CWC27: variants seen among roughly 807,000 people sequenced by gnomAD.
CWC27 encodes the protein spliceosome-associated protein CWC27 homolog.
A neutral mutation model predicts 63.6 loss-of-function variants in CWC27; 47 were observed. The ratio of observed to expected loss-of-function variants is 0.74; its 90% CI spans 0.58 to 0.94. The LOEUF (loss-of-function observed/expected upper bound fraction) is 0.94, where lower values mean the gene tolerates loss of function less well. Among genes scored for constraint, CWC27 ranks in the 40% least tolerant of loss-of-function variants. The probability of loss-of-function intolerance (pLI) is 0.00; values close to 1 mark genes in which losing one functional copy is unlikely to be tolerated. For missense variants in CWC27, 495 were observed against 554.3 expected (o/e 0.89, Z 1.07); for synonymous variants, 175 against 179.8 (o/e 0.97, Z 0.22).
At chr5:64,992,202 C>T (rs1166016812) in intron 13 of CWC27, among the ~76,000 whole-genome samples, 2 of 152,156 alleles carry the variant, frequency 1.3e-5, no homozygotes, top group African/African-American at 4.8e-5. Flanking sequence ...GACTAGCTGT[C>T]GCAGATTTGT....
chr5:64,985,726 T>C (rs1749412755), intron 13 of CWC27, among the ~76,000 whole-genome samples: 1 of 152,206 alleles, frequency 6.6e-6, no homozygotes. Context: ...GTATGACATG[T>C]ATTTATTCAT....
intron 11 of CWC27, among the ~76,000 whole-genome samples, chr5:64,923,201 A>G (rs6449765): frequency 0.097 from 14,816 of 152,144 alleles, 2,237 homozygotes; most frequent in African/African-American, 0.32. Flanking sequence ...GGGGGACTCC[A>G]GTAAAAGCAC....
chr5:64,907,131 G>T (rs908794417), intron 11 of CWC27, among the ~76,000 whole-genome samples: 3 of 152,178 alleles, frequency 2.0e-5, no homozygotes, highest in Admixed American at 6.5e-5. Context: ...TTTGGCTTAG[G>T]ATTGACTTGG....
intron 11 of CWC27, among the ~76,000 whole-genome samples, chr5:64,893,716 A>C (rs1039936736): frequency 5.3e-5 from 8 of 152,222 alleles, no homozygotes; most frequent in African/African-American, 1.9e-4. Context: ...TTGATATACA[A>C]AAATATTTTA....
In CWC27 at chr5:64,820,417, T is replaced by C. The variant is rs1745165489; in HGVS notation, c.938+16031T>C. Among the ~76,000 whole-genome samples, 5 of 152,178 alleles carry C rather than the reference T, an allele frequency of 3.3e-5. No homozygotes were observed. In the South Asian group the frequency reaches 1.0e-3, roughly 32 times the overall value. Reference sequence around the variant, plus strand: ...CTTTTTGTTGTTGTTGTTGTTGTTATATTTTCATTCTAATTCTTAGAACAA... The same window carrying C: ...CTTTTTGTTGTTGTTGTTGTTGTTACATTTTCATTCTAATTCTTAGAACAA... On this transcript the variant is annotated intron_variant, in intron 10 of 13. Coordinates refer to ENST00000381070, the MANE Select transcript of CWC27 (RefSeq NM_005869.4).
chr5:64,814,026 A>G (rs1744959344), intron 10 of CWC27, among the ~76,000 whole-genome samples: 1 of 151,284 alleles, frequency 6.6e-6, no homozygotes, highest in Admixed American at 6.6e-5. Context: ...AATGCAGCCC[A>G]TCCTGGGCTT....
At chr5:64,824,025 T>C (rs1745289462) in intron 10 of CWC27, among the ~76,000 whole-genome samples, 1 of 152,212 alleles carries the variant, frequency 6.6e-6, no homozygotes, top group South Asian at 2.1e-4. Flanking sequence ...AATGTGATTA[T>C]AGATATGTTC....
At chr5:64,773,369 A>G (rs1412939849) in intron 1 of CWC27, among the ~76,000 whole-genome samples, 1 of 152,202 alleles carries the variant, frequency 6.6e-6, no homozygotes, top group African/African-American at 2.4e-5. Flanking sequence ...AAGGCCACAT[A>G]TTGTATGATT....
Position 64,778,306 on chromosome 5 carries a change from T to C in CWC27, c.139+3519T>C, listed in dbSNP as rs1743532022. ...CATGCACTTGCGCTGTCTCTTGCTT[T>C]CTTTCTCTCTCTCTCTCTCACTCCC... is the stretch of plus-strand genomic sequence containing the variant. On this transcript the variant is annotated intron_variant, in intron 2 of 13. Coordinates refer to ENST00000381070, the MANE Select transcript of CWC27 (RefSeq NM_005869.4). Among the ~76,000 whole-genome samples, 2 of 152,074 alleles carry C rather than the reference T, an allele frequency of 1.3e-5. 1 individual carries two copies. The highest frequency in any genetic ancestry group is 4.8e-5 in the African/African-American group (2 of 41,434).
chr5:64,876,803 G>A (rs1356428629), intron 10 of CWC27, among the ~76,000 whole-genome samples: 1 of 151,764 alleles, frequency 6.6e-6, no homozygotes, highest in African/African-American at 2.4e-5. Context: ...AAAGCATCTG[G>A]GAAAAAATAA....
chr5:64,816,960 G>A (rs1206088628), intron 10 of CWC27, among the ~76,000 whole-genome samples: 2 of 152,076 alleles, frequency 1.3e-5, no homozygotes, highest in Non-Finnish European at 2.9e-5. Flanking sequence ...CAGAAGCAGT[G>A]AGAGAGAACT....
chr5:64,978,282 TTTGAA>T (rs1172345330), intron 13 of CWC27, among the ~76,000 whole-genome samples: 1 of 152,194 alleles, frequency 6.6e-6, no homozygotes, highest in Non-Finnish European at 1.5e-5. Context: ...GGCATGATGA[TTTGAA>T]TGGAATGAAT....
At chr5:64,985,703 T>C (rs940196920) in intron 13 of CWC27, among the ~76,000 whole-genome samples, 3 of 152,206 alleles carry the variant, frequency 2.0e-5, no homozygotes, top group African/African-American at 7.2e-5. Context: ...TTTTATTTCT[T>C]TCTTTCTACT....
intron 11 of CWC27, among the ~76,000 whole-genome samples, 192 bp downstream of exon 11, chr5:64,885,738 T>TGTGTGTGTGTGTGTGTGTG (rs60595588): frequency 4.2e-5 from 6 of 141,380 alleles, no homozygotes; most frequent in East Asian, 1.9e-4. Context: ...TGTGTGTGTG[T>TGTGTGTGTGTGTGTGTGTG]TTTTAATACT....
intron 10 of CWC27, among the ~76,000 whole-genome samples, chr5:64,854,819 TCTG>T (rs1250185446): frequency 2.0e-5 from 3 of 152,218 alleles, no homozygotes; most frequent in South Asian, 2.1e-4. Flanking sequence ...GCTTTAGTAA[TCTG>T]CTTCTCTCCT....
intron 11 of CWC27, among the ~76,000 whole-genome samples, chr5:64,901,262 C>T (rs904215844): frequency 2.6e-5 from 4 of 151,798 alleles, no homozygotes; most frequent in African/African-American, 4.8e-5. Context: ...GAGATGGAGA[C>T]CATCCTGGCT....
intron 10 of CWC27, among the ~76,000 whole-genome samples, chr5:64,846,103 C>G (rs1410842324): frequency 6.6e-6 from 1 of 152,142 alleles, no homozygotes; most frequent in Non-Finnish European, 1.5e-5. Flanking sequence ...AAAACAAACA[C>G]AAAAACTACC....
chr5:64,783,544 G>A (rs891971258), intron 3 of CWC27, among the ~76,000 whole-genome samples: 1 of 152,220 alleles, frequency 6.6e-6, no homozygotes, highest in Non-Finnish European at 1.5e-5. Flanking sequence ...TTTGGGATGA[G>A]AATAGGGAAA....
At chr5:64,818,684 A>G (rs1745112947) in intron 10 of CWC27, among the ~76,000 whole-genome samples, 1 of 152,148 alleles carries the variant, frequency 6.6e-6, no homozygotes, top group African/African-American at 2.4e-5. Flanking sequence ...AAAAAATGAT[A>G]TATGTAGCTG....
Sources: gnomAD v4.1 joint callset for allele counts (sites outside exome capture counted in the v4.1 genomes callset) on GRCh38, gnomAD v4.1.1 for gene constraint, MANE v1.5 for transcripts, NCBI Gene and HGNC (gene_info 2026-07-23, HGNC 2026-07-21) for gene names.